Variants in CTNND2 observed in about 807,000 individuals in gnomAD.
The protein encoded by CTNND2 is catenin delta-2.
A neutral mutation model predicts 144.4 loss-of-function variants in CTNND2; 22 were observed. The ratio of observed to expected loss-of-function variants is 0.15; its 90% confidence interval spans 0.11 to 0.22. The LOEUF (loss-of-function observed/expected upper bound fraction) is 0.22, where lower values mean the gene tolerates loss of function less well. Among genes scored for constraint, CTNND2 ranks in the 10% least tolerant of loss-of-function variants. CTNND2 has a pLI of 1.00. For missense variants in CTNND2, 1,353 were observed against 1,618.8 expected, an observed-to-expected ratio of 0.84 and a Z score of 2.82; for synonymous variants, 751 against 695.6, an observed-to-expected ratio of 1.08 and a Z score of -1.25.
At chr5:11,656,970 A>G (rs1782948341) in intron 2 of CTNND2, among the ~76,000 whole-genome samples, 1 of 152,114 alleles carries the variant, frequency 6.6e-6, no homozygotes, top group Admixed American at 6.6e-5. Flanking sequence ...TGAGTTAGGA[A>G]TATCAGTTAG....
At chr5:10,996,188 T>C (rs532342035) in intron 18 of CTNND2, among the ~76,000 whole-genome samples, 143 of 152,088 alleles carry the variant, frequency 9.4e-4, no homozygotes, top group South Asian at 6.9e-3. Context: ...GTGGGTAGAG[T>C]TGATGGGTCA....
chr5:11,032,285 G>GT (rs35915242), intron 16 of CTNND2, among the ~76,000 whole-genome samples: 1 of 152,048 alleles, frequency 6.6e-6, no homozygotes, highest in African/African-American at 2.4e-5. Context: ...GGATTAAAGG[G>GT]TTTTTTTCCT....
intron 3 of CTNND2, among the ~76,000 whole-genome samples, chr5:11,469,145 T>A (rs1766931018): frequency 6.6e-6 from 1 of 152,154 alleles, no homozygotes; most frequent in East Asian, 1.9e-4. Context: ...GCCCTTTGCC[T>A]CCAGTCTTTG....
chr5:11,892,052 A>G (rs1417927056), intron 1 of CTNND2, among the ~76,000 whole-genome samples: 2 of 152,364 alleles, frequency 1.3e-5, no homozygotes, highest in East Asian at 3.9e-4. Flanking sequence ...ACAGCTTCAC[A>G]AATTCTTCTG....
intron 2 of CTNND2, among the ~76,000 whole-genome samples, chr5:11,571,640 T>TAA (rs1287090289): frequency 6.6e-6 from 1 of 152,076 alleles, no homozygotes; most frequent in Non-Finnish European, 1.5e-5. Flanking sequence ...CTCCGGAGCT[T>TAA]ACCACTATAC....
chr5:10,974,178 C>CAGAG (rs1561102761), intron 21 of CTNND2, among the ~76,000 whole-genome samples: 1 of 152,212 alleles, frequency 6.6e-6, no homozygotes, highest in Non-Finnish European at 1.5e-5. Context: ...ATAGGCACTG[C>CAGAG]AGAGAGTGTT....
chr5:11,202,399 T>C (rs1044737147), intron 10 of CTNND2, among the ~76,000 whole-genome samples: 2 of 152,198 alleles, frequency 1.3e-5, no homozygotes, highest in African/African-American at 4.8e-5. Flanking sequence ...TAGTGAGATT[T>C]TCAATTTGAT....
At chr5:11,786,255 T>G (rs1430169099) in intron 1 of CTNND2, among the ~76,000 whole-genome samples, 1 of 152,196 alleles carries the variant, frequency 6.6e-6, no homozygotes, top group African/African-American at 2.4e-5. Context: ...TAATTCCATT[T>G]TAGAAAAGTA....
chr5:11,703,438 G>T (rs937946380), intron 2 of CTNND2, among the ~76,000 whole-genome samples: 1 of 152,160 alleles, frequency 6.6e-6, no homozygotes, highest in African/African-American at 2.4e-5. Context: ...GTCTTGCCTT[G>T]CCTTTACCTG....
chr5:11,479,694 G>A (rs973563031), intron 3 of CTNND2, among the ~76,000 whole-genome samples: 1 of 151,382 alleles, frequency 6.6e-6, no homozygotes, highest in African/African-American at 2.4e-5. Context: ...TAGCCACTCT[G>A]ACTGGTGTGA....
chr5:11,896,676 T>C (rs935949542), intron 1 of CTNND2, among the ~76,000 whole-genome samples: 3 of 152,134 alleles, frequency 2.0e-5, no homozygotes, highest in Non-Finnish European at 4.4e-5. Flanking sequence ...GGAAAAGTAA[T>C]ATATAAAGAA....
chr5:11,884,089 T>C (rs1736335558), intron 1 of CTNND2, among the ~76,000 whole-genome samples: 1 of 152,220 alleles, frequency 6.6e-6, no homozygotes, highest in Admixed American at 6.5e-5. Context: ...CTTTGTCAGA[T>C]GGGTAGATTG....
intron 1 of CTNND2, among the ~76,000 whole-genome samples, chr5:11,820,826 A>G (rs532841358): frequency 2.0e-5 from 3 of 152,360 alleles, no homozygotes; most frequent in East Asian, 3.9e-4. Flanking sequence ...TTGTGTCTGC[A>G]CTTGAAGTAA....
At chr5:11,888,926 A>G (rs1184644286) in intron 1 of CTNND2, among the ~76,000 whole-genome samples, 3 of 151,720 alleles carry the variant, frequency 2.0e-5, no homozygotes, top group African/African-American at 7.3e-5. Context: ...TAATTTTTCT[A>G]TTTTTAGTAG....
rs556011731 is a variant in CTNND2, at chr5:11,379,892, C to T, written c.1177+4773G>A. 6.6e-5 allele frequency among the ~76,000 whole-genome samples: 10 copies of T among 152,258 alleles called. No individual in the cohort carries two copies. In the East Asian group the frequency reaches 1.7e-3, roughly 26 times the overall value. ...GATGCAGCAGCCTTATCTCCCTCTG[C>T]GCCTTCATGTCTCACCACCCCTACC... On this transcript the variant is annotated intron_variant, in intron 7 of 21. Transcript: ENST00000304623.
At chr5:11,849,271 C>A (rs766163061) in intron 1 of CTNND2, among the ~76,000 whole-genome samples, 3 of 152,090 alleles carry the variant, frequency 2.0e-5, no homozygotes, top group Non-Finnish European at 2.9e-5. Context: ...ATAGGGGAAA[C>A]TGCCCCCATG....
chr5:11,057,669 T>G (rs970693873), intron 16 of CTNND2, among the ~76,000 whole-genome samples: 1 of 152,210 alleles, frequency 6.6e-6, no homozygotes, highest in African/African-American at 2.4e-5. Flanking sequence ...AAAAGTTACC[T>G]GAAAATGTGG....
intron 11 of CTNND2, among the ~76,000 whole-genome samples, chr5:11,177,340 C>T (rs1405737861): frequency 2.6e-5 from 4 of 152,214 alleles, no homozygotes; most frequent in South Asian, 2.1e-4. Flanking sequence ...AAATTCAAGG[C>T]ATTTGGTTTT....
intron 3 of CTNND2, among the ~76,000 whole-genome samples, chr5:11,542,250 T>C (rs1213263168): frequency 6.6e-6 from 1 of 152,164 alleles, no homozygotes; most frequent in Admixed American, 6.5e-5. Context: ...CAGAACGCCT[T>C]CTTTTCAAGG....
Sources: allele counts gnomAD v4.1 joint callset (sites outside exome capture counted in the v4.1 genomes callset), GRCh38; gene constraint gnomAD v4.1.1; transcripts MANE v1.5; gene names NCBI Gene and HGNC (gene_info 2026-07-23, HGNC 2026-07-21).